MPP4: variants seen among roughly 807,000 people sequenced by gnomAD.
The protein encoded by MPP4 is MAGUK p55 scaffold protein 4.
A neutral mutation model predicts 98.3 loss-of-function variants in MPP4; 91 were observed. That is an observed-to-expected ratio of 0.93 (90% CI 0.78 to 1.10). The LOEUF (loss-of-function observed/expected upper bound fraction) is 1.10, where lower values mean the gene tolerates loss of function less well. Ranked by LOEUF, MPP4 falls within the 50% of genes least tolerant of loss-of-function variation. The probability of loss-of-function intolerance (pLI) is 0.00; values close to 1 mark genes in which losing one functional copy is unlikely to be tolerated. For synonymous variants in MPP4, 261 were observed against 271.8 expected (o/e 0.96, Z 0.39); for missense variants, 744 against 792.9 (o/e 0.94, Z 0.74).
chr2:201,686,076 G>A (rs1157083145), intron 5 of MPP4, 26 bp from the exon 6 acceptor site: 6 of 1,607,012 alleles, frequency 3.7e-6, no homozygotes, highest in East Asian at 2.2e-5. Flanking sequence ...GAAAAGGTGA[G>A]CAAATGTCAC....
Position 201,661,242 on chromosome 2 carries a change from C to T in MPP4, c.1073-896G>A, listed in dbSNP as rs555446878. ...AGCCTTTTTTTTTTTTTTAATGACG[C>T]TTCTGATTAAATAAACCATACAATC... On this transcript the variant is annotated intron_variant, in intron 14 of 21. Coordinates refer to ENST00000409474, the MANE Select transcript of MPP4 (RefSeq NM_033066.3). 2.4e-4 allele frequency among the ~76,000 whole-genome samples: 36 copies of T among 149,318 alleles called. No individual in the cohort carries two copies. The East Asian group carries it at 6.3e-3, about 26-fold the overall frequency.
Position 201,647,840 on chromosome 2 carries a change from T to G in MPP4, c.1585-15A>C, listed in dbSNP as rs770991143. The G allele has an allele frequency of 6.3e-7, 1 of 1,594,400 alleles. No individual in the cohort carries two copies. Among genetic ancestry groups the G allele is most frequent in the Non-Finnish European group, 8.6e-7 (1 of 1,168,138 alleles). ...CCTTGAATATCCTACACAGAAAATT[T>G]AAATGCACATTTATTTTTTGTTTGT... On this transcript the variant is annotated splice_polypyrimidine_tract_variant and intron_variant, in intron 20 of 21. Coordinates refer to ENST00000409474, the MANE Select transcript of MPP4 (RefSeq NM_033066.3).
chr2:201,683,743 C>G (rs190619905), intron 7 of MPP4, among the ~76,000 whole-genome samples: 4 of 148,448 alleles, frequency 2.7e-5, no homozygotes, highest in Admixed American at 2.7e-4. Flanking sequence ...CAGAGTGAGA[C>G]TCTGTCTCAA....
intron 18 of MPP4, chr2:201,650,796 T>C (rs571533620): frequency 1.0e-6 from 1 of 985,380 alleles, no homozygotes; most frequent in African/African-American, 1.7e-5. Flanking sequence ...AACCGAGTGG[T>C]GATTCGTTTT....
At chr2:201,652,090 G>A (rs575046776) in intron 18 of MPP4, 4 of 815,416 alleles carry the variant, frequency 4.9e-6, no homozygotes, top group Non-Finnish European at 5.9e-6. Flanking sequence ...TATAGCATGC[G>A]ATCATAAAGC....
At chr2:201,659,381 C>T (rs562984043) in intron 15 of MPP4, among the ~76,000 whole-genome samples, 2 of 152,178 alleles carry the variant, frequency 1.3e-5, no homozygotes, top group South Asian at 4.1e-4. Context: ...AAACTGTGCC[C>T]ACTGCCTCTG....
chr2:201,692,763 C>G lies in MPP4; in HGVS notation c.201+145G>C, dbSNP rs1689074155. 3.2e-6 allele frequency: 4 copies of G among 1,244,550 alleles called. No homozygotes were observed. In the South Asian group the frequency reaches 6.2e-5, roughly 19 times the overall value. 77.1% of individuals were successfully genotyped at this position (1,244,550 alleles called of 1,614,324 possible). ...TGCTGCCGACTGGATTTTGGACTTCCTGGCCTACAGAACTGTGAGATATCA... is the reference window on the plus strand; with the variant it reads ...TGCTGCCGACTGGATTTTGGACTTCGTGGCCTACAGAACTGTGAGATATCA... On this transcript the variant is annotated intron_variant, in intron 3 of 21. Coordinates refer to ENST00000409474, the MANE Select transcript of MPP4 (RefSeq NM_033066.3).
At chr2:201,658,557 G>A (rs574983375) in intron 15 of MPP4, 39 bp from the exon 16 acceptor site, 2 of 1,573,848 alleles carry the variant, frequency 1.3e-6, no homozygotes, top group Admixed American at 1.8e-5. Context: ...ATATGTGAGA[G>A]CGAGAAGTTT....
At chr2:201,651,682 AGT>A (rs1687715316) in intron 18 of MPP4, 1 of 984,662 alleles carries the variant, frequency 1.0e-6, no homozygotes, top group African/African-American at 1.7e-5. Flanking sequence ...GGCCGGGCAC[AGT>A]GGCTCACGCC....
Position 201,647,743 on chromosome 2 carries a change from G to A in MPP4, c.1667C>T (p.Ser556Phe), listed in dbSNP as rs1460297458. 29 of 1,613,784 alleles carry A rather than the reference G, an allele frequency of 1.8e-5. No individual in the cohort carries two copies. The highest frequency in any genetic ancestry group is 2.3e-5 in the Non-Finnish European group (27 of 1,179,844). Reference protein sequence around the residue: ...KPSNMRCMKQSRKNAKVITDY... With the variant: ...KPSNMRCMKQFRKNAKVITDY... ...AGTAATAACCTTGGCATTTTTCCGAGATTGTTTCATACACCTCATATTCGA... is the reference window on the plus strand; with the variant it reads ...AGTAATAACCTTGGCATTTTTCCGAAATTGTTTCATACACCTCATATTCGA... The change falls in exon 21 of 22, where the codon TCT (serine) becomes TTT (phenylalanine). Residue 556 changes from serine (S) to phenylalanine (F), a missense_variant. Physicochemically the swap from Ser to Phe is radical, Grantham distance 155. Transcript: ENST00000409474.
chr2:201,681,970 T>A (rs1447028434), intron 8 of MPP4, among the ~76,000 whole-genome samples: 1 of 152,134 alleles, frequency 6.6e-6, no homozygotes, highest in Non-Finnish European at 1.5e-5. Flanking sequence ...CTACACCAGA[T>A]ACCCCAGTCT....
chr2:201,666,556 A>C, intron 12 of MPP4, 184 bp from the exon 13 acceptor site: 1 of 475,436 alleles, frequency 2.1e-6, no homozygotes, highest in South Asian at 3.0e-5. Flanking sequence ...CCATGTCTCT[A>C]CCAAAAAAAA....
chr2:201,652,110 G>T, intron 18 of MPP4: 3 of 621,648 alleles, frequency 4.8e-6, no homozygotes, highest in South Asian at 7.0e-5. Context: ...CAACTTCTTG[G>T]TCTCCCACAG....
chr2:201,674,625 G>A (rs1212295868), intron 11 of MPP4, among the ~76,000 whole-genome samples: 3 of 152,094 alleles, frequency 2.0e-5, no homozygotes, highest in African/African-American at 7.2e-5. Flanking sequence ...TTCATTCCAG[G>A]GTTCGCTTTG....
At chr2:201,671,416 G>A (rs1029492122) in intron 11 of MPP4, among the ~76,000 whole-genome samples, 2 of 152,138 alleles carry the variant, frequency 1.3e-5, no homozygotes, top group African/African-American at 4.8e-5. Context: ...AACCTTAAAT[G>A]TAAATGGGCT....
intron 4 of MPP4, among the ~76,000 whole-genome samples, chr2:201,687,615 C>CTGG (rs1688876384): frequency 1.3e-5 from 2 of 152,094 alleles, no homozygotes; most frequent in African/African-American, 4.8e-5. Context: ...AACCCAATGC[C>CTGG]CAATCCTGGC....
chr2:201,658,738 A>C (rs547055806), intron 15 of MPP4, among the ~76,000 whole-genome samples: 2 of 152,222 alleles, frequency 1.3e-5, no homozygotes, highest in Non-Finnish European at 2.9e-5. Flanking sequence ...TTTGAGCGTT[A>C]CACTGAATGT....
At position 201,680,892 on chromosome 2, in the gene MPP4, A is replaced by G; in HGVS notation, c.875T>C (p.Ile292Thr). 6.2e-7 allele frequency: 1 copy of G among 1,613,548 alleles called. No homozygotes were observed. The highest frequency in any genetic ancestry group is 2.2e-5 in the East Asian group (1 of 44,858). The change falls in exon 10 of 22, where the codon ATC becomes ACC. Residue 292 changes from isoleucine to threonine, a missense_variant. Physicochemically the swap from Ile to Thr is moderately conservative, Grantham distance 89. Coordinates refer to ENST00000409474, the MANE Select transcript of MPP4 (RefSeq NM_033066.3). ...NDALWWQARK[I>T]SDPATCAGLV... ...CCCAGCGCAGGTAGCAGGGTCTGAG[A>G]TTTTTCGGGCCTGCCACCAGAGGGC...
chr2:201,686,648 T>A (rs115067970), intron 5 of MPP4, among the ~76,000 whole-genome samples: 2 of 152,204 alleles, frequency 1.3e-5, no homozygotes, highest in African/African-American at 4.8e-5. Flanking sequence ...TGACTGAGAT[T>A]GGTAGACACA....
Sources: gnomAD v4.1 joint callset for allele counts (sites outside exome capture counted in the v4.1 genomes callset) on GRCh38, gnomAD v4.1.1 for gene constraint, MANE v1.5 for transcripts, NCBI Gene and HGNC (gene_info 2026-07-23, HGNC 2026-07-21) for gene names.